The following QSOX1 variants were observed in gnomAD, a reference collection of about 807,000 sequenced individuals.
QSOX1 encodes the protein quiescin sulfhydryl oxidase 1, also known as sulfhydryl oxidase 1.
QSOX1 carries 40 observed loss-of-function variants against 76.1 expected under a neutral mutation model. That is an observed-to-expected ratio of 0.53 (90% CI 0.41 to 0.68). The LOEUF is 0.68. Ranked by LOEUF, QSOX1 falls within the 30% of genes least tolerant of loss-of-function variation. The pLI is 0.00. For synonymous variants in QSOX1, 392 were observed against 413.1 expected, an observed-to-expected ratio of 0.95 and a Z score of 0.62; for missense variants, 931 against 974.3, an observed-to-expected ratio of 0.96 and a Z score of 0.59.
At chr1:180,187,669 C>G (rs1028516463) in intron 8 of QSOX1, among the ~76,000 whole-genome samples, 1 of 152,258 alleles carries the variant, frequency 6.6e-6, no homozygotes, top group African/African-American at 2.4e-5. Context: ...AGGCATCACC[C>G]CCTCTGTGCC....
chr1:180,167,098 T>G (rs908369416), intron 2 of QSOX1, among the ~76,000 whole-genome samples: 1 of 152,218 alleles, frequency 6.6e-6, no homozygotes, highest in Middle Eastern at 3.2e-3. Context: ...ACGAGATCTC[T>G]GATGATGCCT....
chr1:180,175,330 G>C lies in QSOX1; in HGVS notation c.376G>C (p.Ala126Pro). 3 of 1,614,062 alleles carry C rather than the reference G, an allele frequency of 1.9e-6. No individual in the cohort carries two copies. The highest frequency in any genetic ancestry group is 2.5e-6 in the Non-Finnish European group (3 of 1,179,984). The change falls in exon 3 of 12, where the codon GCC (alanine) becomes CCC (proline). Residue 126 changes from alanine (A) to proline (P), a missense_variant. Transcript: ENST00000367602. Reference sequence around the variant, plus strand: ...GTGTGTTTGCTTCCAGTTCTTCAAGGCCTTTACCAAGAACGGCTCGGGAGC... The same window carrying C: ...GTGTGTTTGCTTCCAGTTCTTCAAGCCCTTTACCAAGAACGGCTCGGGAGC... ...PGFPTVRFFK[A>P]FTKNGSGAVF...
chr1:180,172,548 C>G (rs1408593443), intron 2 of QSOX1, among the ~76,000 whole-genome samples: 3 of 152,136 alleles, frequency 2.0e-5, no homozygotes, highest in African/African-American at 7.2e-5. Flanking sequence ...GAGACAGAGT[C>G]TCTCTCTGTC....
At position 180,203,176 on chromosome 1, in the gene QSOX1, C is replaced by G. The variant is rs1283493942; in HGVS notation, c.*6139C>G. 1 of 152,212 alleles carries G rather than the reference C, an allele frequency of 6.6e-6. No individual in the cohort carries two copies. Among genetic ancestry groups the G allele is most frequent in the African/African-American group, 2.4e-5 (1 of 41,444 alleles). 9.4% of individuals were successfully genotyped at this position (152,212 alleles called of 1,614,324 possible). The stretch of plus-strand genomic sequence containing the variant: ...ACAAAGGGCTGTGACTCTTCTGCAA[C>G]ACACCATTTTAAGAATGAGCTAGGT... On this transcript the variant is annotated 3_prime_UTR_variant, in exon 12 of 12. Coordinates refer to ENST00000367602, the MANE Select transcript of QSOX1 (RefSeq NM_002826.5).
rs761955056 is a variant in QSOX1 at position 180,176,020 on chromosome 1, C to G, written c.502C>G (p.Leu168Val). The G allele has an allele frequency of 3.4e-5, 55 of 1,594,322 alleles. No homozygotes were observed. The highest frequency in any genetic ancestry group is 4.5e-5 in the Non-Finnish European group (53 of 1,170,874). The change falls in exon 4 of 12, where the codon CTG becomes GTG. Residue 168 changes from leucine (L) to valine (V), a missense_variant. By Grantham distance (32) the Leu-to-Val change is conservative. Transcript: ENST00000367602. ...HDTWPPACPP[L>V]EPAKLEEIDG... is the part of the protein sequence containing the mutation. ...CACGTGGCCCCCAGCCTGTCCCCCA[C>G]TGGAGCCTGCCAAGTACTTTGGGCT...
chr1:180,178,663 C>A (rs1032872113), intron 4 of QSOX1, 131 bp from the exon 5 acceptor site: 14 of 760,892 alleles, frequency 1.8e-5, no homozygotes, highest in African/African-American at 1.6e-4. Flanking sequence ...CCTTGGAGGG[C>A]CCTGTGTGGA....
intron 5 of QSOX1, 40 bp from the exon 6 acceptor site, chr1:180,182,134 C>T: frequency 6.2e-7 from 1 of 1,609,688 alleles, no homozygotes. Context: ...GCTCCCTCCA[C>T]CCGGTGGCCT....
intron 9 of QSOX1, 47 bp downstream of exon 9, chr1:180,189,721 G>A (rs1398526273): frequency 3.1e-6 from 5 of 1,592,728 alleles, no homozygotes; most frequent in Admixed American, 1.7e-5. Flanking sequence ...CCGTATTTAT[G>A]AGAGTGCAAG....
At chr1:180,157,377 G>A (rs923201488) in intron 1 of QSOX1, among the ~76,000 whole-genome samples, 1 of 152,254 alleles carries the variant, frequency 6.6e-6, no homozygotes, top group Non-Finnish European at 1.5e-5. Flanking sequence ...AGAAGCTAGG[G>A]TTGGTCTCGC....
At position 180,186,125 on chromosome 1, in the gene QSOX1, G is replaced by A. The variant is rs371348842; in HGVS notation, c.960G>A (p.Pro320=). 4 of 1,614,194 alleles carry A rather than the reference G, an allele frequency of 2.5e-6. No homozygotes were observed. Among genetic ancestry groups the A allele is most frequent in the Non-Finnish European group, 3.4e-6 (4 of 1,180,016 alleles). The change falls in exon 8 of 12, where the codon CCG becomes CCA. Residue 320 remains proline (P), a synonymous_variant. Transcript: ENST00000367602. ...TGCGGATAGAAGTGGGCAGGTTCCC[G>A]GTCCTGGAAGGGCAGCGCCTGGTGG... ...YILRIEVGRF[P]VLEGQRLVAL... is the part of the protein sequence containing the mutation.
rs1337768159 is a variant in QSOX1, at chr1:180,194,220, C to G, written c.1296C>G (p.Ala432=). ...ATCTCCTCTGCCCTGTAGCCAAGGC[C>G]AAGGAGGTCCTCCCAGCCATCCGAG... ...NVDHSQEAAK[A]KEVLPAIRGY... The change falls in exon 11 of 12, where the codon GCC becomes GCG. Residue 432 remains alanine, a synonymous_variant. Transcript: ENST00000367602. 5 of 1,611,766 alleles carry G rather than the reference C, an allele frequency of 3.1e-6. No individual in the cohort carries two copies. Among genetic ancestry groups the G allele is most frequent in the Non-Finnish European group, 4.2e-6 (5 of 1,179,160 alleles).
At chr1:180,155,449 G>A (rs530746983) in intron 1 of QSOX1, among the ~76,000 whole-genome samples, 4 of 152,202 alleles carry the variant, frequency 2.6e-5, no homozygotes, top group African/African-American at 7.2e-5. Context: ...TTCGTCCCCC[G>A]CCAGGTTACT....
At chr1:180,156,135 G>A (rs1240732783) in intron 1 of QSOX1, among the ~76,000 whole-genome samples, 1 of 152,200 alleles carries the variant, frequency 6.6e-6, no homozygotes, top group East Asian at 1.9e-4. Flanking sequence ...TATTTACGGA[G>A]CACCTATCAT....
chr1:180,186,296 G>A, intron 8 of QSOX1, 114 bp downstream of exon 8: 1 of 1,380,834 alleles, frequency 7.2e-7, no homozygotes, highest in East Asian at 2.4e-5. Flanking sequence ...TGGTCTGGCT[G>A]GACACCTGGA....
intron 11 of QSOX1, 83 bp downstream of exon 11, chr1:180,194,475 T>C: frequency 7.3e-7 from 1 of 1,371,346 alleles, no homozygotes; most frequent in Non-Finnish European, 9.9e-7. Context: ...GGCCAAAATT[T>C]GGGGAAGGGA....
In QSOX1 at chr1:180,200,144, C is replaced by T. The variant is rs548919265; in HGVS notation, c.*3107C>T. The stretch of plus-strand genomic sequence containing the variant: ...TGGAATCTGACGTCTGGGTTTGAAT[C>T]CAGCTTCCAACACTCACTGGCTGTG... On this transcript the variant is annotated 3_prime_UTR_variant, in exon 12 of 12. Transcript: ENST00000367602. 1.3e-5 allele frequency: 2 copies of T among 152,226 alleles called. No homozygotes were observed. Among genetic ancestry groups the T allele is most frequent in the Non-Finnish European group, 2.9e-5 (2 of 68,052 alleles). 9.4% of individuals were successfully genotyped at this position (152,226 alleles called of 1,614,324 possible).
intron 1 of QSOX1, among the ~76,000 whole-genome samples, chr1:180,155,446 C>A (rs1297812675): frequency 6.6e-6 from 1 of 152,200 alleles, no homozygotes; most frequent in African/African-American, 2.4e-5. Context: ...CGGTTCGTCC[C>A]CCGCCAGGTT....
chr1:180,175,147 ACT>A (rs1361298301), intron 2 of QSOX1, among the ~76,000 whole-genome samples, 172 bp from the exon 3 acceptor site: 2 of 125,354 alleles, frequency 1.6e-5, no homozygotes, highest in Non-Finnish European at 3.4e-5. Flanking sequence ...ACAGAGCGAG[ACT>A]CTGTCTCAAA....
At chr1:180,180,142 C>T (rs1437603732) in intron 5 of QSOX1, among the ~76,000 whole-genome samples, 1 of 152,256 alleles carries the variant, frequency 6.6e-6, no homozygotes, top group Non-Finnish European at 1.5e-5. Context: ...GCTGTGTGAT[C>T]TGGAGGCATG....
Sources: gnomAD v4.1 joint callset for allele counts (sites outside exome capture counted in the v4.1 genomes callset) on GRCh38, gnomAD v4.1.1 for gene constraint, MANE v1.5 for transcripts, NCBI Gene and HGNC (gene_info 2026-07-23, HGNC 2026-07-21) for gene names.